The following MSL2 variants were observed in gnomAD, a reference collection of about 807,000 sequenced individuals.
MSL2 encodes the protein E3 ubiquitin-protein ligase MSL2.
In MSL2, 2 loss-of-function variants were observed where a neutral mutation model predicts 35.8. The ratio of observed to expected loss-of-function variants is 0.06; its 90% CI spans 0.02 to 0.18. The LOEUF is 0.18. MSL2 is among the 10% of genes least tolerant of loss of function. MSL2 has a pLI of 1.00. For synonymous variants in MSL2, 296 were observed against 255.7 expected, an observed-to-expected ratio of 1.16 and a Z score of -1.50; for missense variants, 523 against 706.7, an observed-to-expected ratio of 0.74 and a Z score of 2.95.
In MSL2 at chr3:136,149,787, C is replaced by T. The variant is rs967788952; in HGVS notation, c.*1360G>A. On this transcript the variant is annotated 3_prime_UTR_variant, in exon 2 of 2. Transcript: ENST00000309993. ...TGCTGTGTGCCAAATCAAAACATAA[C>T]TTCAGCATATGTCAGATCTTACTAG... 5.9e-5 allele frequency: 9 copies of T among 152,158 alleles called. No homozygotes were observed. The highest frequency in any genetic ancestry group is 1.3e-4 in the Non-Finnish European group (9 of 68,026). The allele number at this position is 152,158 out of a possible 1,614,324, so 9.4% of individuals were successfully genotyped here.
intron 1 of MSL2, among the ~76,000 whole-genome samples, chr3:136,153,745 A>C (rs1259154076): frequency 6.8e-6 from 1 of 147,182 alleles, no homozygotes; most frequent in Non-Finnish European, 1.5e-5. Flanking sequence ...AGCTGAGATC[A>C]CACCACTGCA....
At chr3:136,189,052 T>G (rs1166464722) in intron 1 of MSL2, among the ~76,000 whole-genome samples, 1 of 143,872 alleles carries the variant, frequency 7.0e-6, no homozygotes, top group Non-Finnish European at 1.5e-5. Context: ...TTAGGAGATT[T>G]TCCTTAGGAA....
intron 1 of MSL2, among the ~76,000 whole-genome samples, chr3:136,182,363 TCTC>T (rs1285125443): frequency 2.0e-5 from 3 of 152,204 alleles, no homozygotes; most frequent in South Asian, 2.1e-4. Flanking sequence ...TCAGATTTAC[TCTC>T]CTAACTGAAA....
chr3:136,154,438 T>TA (rs1387397100), intron 1 of MSL2, among the ~76,000 whole-genome samples: 1 of 152,160 alleles, frequency 6.6e-6, no homozygotes, highest in African/African-American at 2.4e-5. Context: ...TCTCCACTCT[T>TA]ACTCTCCAAA....
rs1940809328 is a variant in MSL2 at position 136,195,413 on chromosome 3, G to C, written c.-300C>G. ...CAGAACGCGGCGGCTTGGGCGCTCG[G>C]GGCGGGACTCGGAGCTCAGTCTAGC... On this transcript the variant is annotated 5_prime_UTR_variant, in exon 1 of 2. Coordinates refer to ENST00000309993, the MANE Select transcript of MSL2 (RefSeq NM_018133.4). 8.8e-7 allele frequency: 1 copy of C among 1,133,606 alleles called. No homozygotes were observed. Among genetic ancestry groups the C allele is most frequent in the African/African-American group, 1.6e-5 (1 of 60,616 alleles). 70.2% of individuals were successfully genotyped at this position (1,133,606 alleles called of 1,614,324 possible).
chr3:136,175,197 A>G (rs1940137294), intron 1 of MSL2, among the ~76,000 whole-genome samples: 1 of 152,132 alleles, frequency 6.6e-6, no homozygotes, highest in African/African-American at 2.4e-5. Flanking sequence ...TACAAAAAGT[A>G]GCCAGACGTG....
intron 1 of MSL2, among the ~76,000 whole-genome samples, chr3:136,191,098 T>G (rs1031858029): frequency 6.6e-6 from 1 of 152,208 alleles, no homozygotes; most frequent in African/African-American, 2.4e-5. Context: ...CACCATTGTC[T>G]ACTGTGCAAA....
chr3:136,195,382 A>G lies in MSL2; in HGVS notation c.-269T>C. The G allele has an allele frequency of 8.3e-7, 1 of 1,199,228 alleles. No individual in the cohort carries two copies. The highest frequency in any genetic ancestry group is 4.8e-5 in the East Asian group (1 of 20,696). The allele number at this position is 1,199,228 out of a possible 1,614,324, so 74.3% of individuals were successfully genotyped here. A position where few individuals can be genotyped will look rare whatever the true frequency, so the allele number is the denominator to read the frequency against. The stretch of plus-strand genomic sequence containing the variant: ...GTTCGAGTTCGTCCGGAGCGACCAC[A>G]GAGCGCAGAACGCGGCGGCTTGGGC... On this transcript the variant is annotated 5_prime_UTR_variant, in exon 1 of 2. Transcript: ENST00000309993.
chr3:136,194,822 C>CG (rs1940789979), intron 1 of MSL2, 150 bp downstream of exon 1: 2 of 1,270,686 alleles, frequency 1.6e-6, no homozygotes, highest in Non-Finnish European at 2.2e-6. Context: ...AAAAGTCCCT[C>CG]AGCAAGTTTC....
chr3:136,156,200 T>C (rs1939516596), intron 1 of MSL2, among the ~76,000 whole-genome samples: 2 of 152,190 alleles, frequency 1.3e-5, no homozygotes, highest in African/African-American at 2.4e-5. Context: ...TAAAGATTAA[T>C]CCTAATGCGA....
In MSL2 at chr3:136,162,275, A is replaced by T. The variant is rs540156873; in HGVS notation, c.143-9537T>A. On this transcript the variant is annotated intron_variant, in intron 1 of 1. Transcript: ENST00000309993. Reference sequence around the variant, plus strand: ...GAAAAGATAAACCATAAGGTTTTTAAAAAAAAAAAAAAAAGAGGGCTACCA... The same window carrying T: ...GAAAAGATAAACCATAAGGTTTTTATAAAAAAAAAAAAAAGAGGGCTACCA... Among the ~76,000 whole-genome samples the T allele has an allele frequency of 7.6e-3, 1,103 of 145,136 alleles. 18 individuals carry two copies. Among genetic ancestry groups the T allele is most frequent in the African/African-American group, 0.026 (1,040 of 39,832 alleles).
intron 1 of MSL2, among the ~76,000 whole-genome samples, chr3:136,167,102 G>C (rs1939874083): frequency 6.6e-6 from 1 of 152,082 alleles, no homozygotes; most frequent in South Asian, 2.1e-4. Flanking sequence ...CTAATACTTA[G>C]CAAAATTTGT....
chr3:136,181,921 AAAAT>A (rs144747029), intron 1 of MSL2, among the ~76,000 whole-genome samples: 60,543 of 147,068 alleles, frequency 0.41, 13,033 homozygotes, highest in East Asian at 0.72. Flanking sequence ...TCTGTCTCAA[AAAAT>A]AAATAAATAA....
chr3:136,159,666 G>A (rs1049521308), intron 1 of MSL2, among the ~76,000 whole-genome samples: 2 of 151,770 alleles, frequency 1.3e-5, no homozygotes, highest in African/African-American at 4.8e-5. Flanking sequence ...CACCACGCCT[G>A]GCCAAGGAGA....
At chr3:136,159,107 T>A (rs1469343090) in intron 1 of MSL2, among the ~76,000 whole-genome samples, 1 of 152,114 alleles carries the variant, frequency 6.6e-6, no homozygotes, top group African/African-American at 2.4e-5. Context: ...ATCCTAAAAT[T>A]CATATGGAAT....
At chr3:136,190,018 T>C (rs1423199189) in intron 1 of MSL2, among the ~76,000 whole-genome samples, 3 of 151,914 alleles carry the variant, frequency 2.0e-5, no homozygotes, top group African/African-American at 7.3e-5. Flanking sequence ...GAGACAAAGG[T>C]TGCAGTAAGC....
chr3:136,190,477 G>C (rs1471367099), intron 1 of MSL2, among the ~76,000 whole-genome samples: 1 of 151,240 alleles, frequency 6.6e-6, no homozygotes, highest in Non-Finnish European at 1.5e-5. Context: ...GACTGGAGTT[G>C]GAGGCTGCAG....
At chr3:136,192,097 C>G (rs1420427567) in intron 1 of MSL2, among the ~76,000 whole-genome samples, 1 of 152,166 alleles carries the variant, frequency 6.6e-6, no homozygotes, top group Non-Finnish European at 1.5e-5. Context: ...CAGACTGATA[C>G]AAAATCTGCA....
chr3:136,152,035 A>G lies in MSL2; in HGVS notation c.846T>C (p.Asn282=), dbSNP rs373157518. The part of the protein sequence containing the change: ...EVLRSLETVS[N]TEVCCPNLQP... ...GCAAATTAGGGCAACAGACCTCTGT[A>G]TTTGAAACAGTTTCTAAGCTGCGGA... Residue 282 remains asparagine, a synonymous_variant, in exon 2 of 2, where the codon AAT becomes AAC. Transcript: ENST00000309993. 81 of 1,614,084 alleles carry G rather than the reference A, an allele frequency of 5.0e-5. No individual in the cohort carries two copies. The highest frequency in any genetic ancestry group is 6.7e-5 in the Non-Finnish European group (79 of 1,180,026).
Sources: allele counts gnomAD v4.1 joint callset (sites outside exome capture counted in the v4.1 genomes callset), GRCh38; gene constraint gnomAD v4.1.1; transcripts MANE v1.5; gene names NCBI Gene and HGNC (gene_info 2026-07-23, HGNC 2026-07-21).